ADAMTS19: variants seen among roughly 807,000 people sequenced by gnomAD.
ADAMTS19 encodes ADAM metallopeptidase with thrombospondin type 1 motif 19.
A neutral mutation model predicts 153.3 loss-of-function variants in ADAMTS19; 93 were observed. The ratio of observed to expected loss-of-function variants is 0.61; its 90% confidence interval spans 0.51 to 0.72. The LOEUF (loss-of-function observed/expected upper bound fraction) is 0.72, where lower values mean the gene tolerates loss of function less well. ADAMTS19 is among the 30% of genes least tolerant of loss of function. The pLI, the probability that ADAMTS19 is intolerant of heterozygous loss-of-function variation, is 0.00. For synonymous variants in ADAMTS19, 600 were observed against 556.6 expected, an observed-to-expected ratio of 1.08 and a Z score of -1.10; for missense variants, 1,482 against 1,552.1, an observed-to-expected ratio of 0.95 and a Z score of 0.76.
intron 6 of ADAMTS19, among the ~76,000 whole-genome samples, chr5:129,544,056 C>T (rs1752759434): frequency 6.6e-6 from 1 of 152,064 alleles, no homozygotes; most frequent in Non-Finnish European, 1.5e-5. Context: ...ATTTGTTTTG[C>T]ATAGTCATCT....
chr5:129,701,514 TG>T lies in ADAMTS19; in HGVS notation c.3084del (p.Lys1030SerfsTer14). ...TTAGAGCCCGAGAGAGGGACTGCATTGGGCCCAAGCCCGCCTCTGCCCAGCG... is the reference window on the plus strand; with the variant it reads ...TTAGAGCCCGAGAGAGGGACTGCATTGGCCCAAGCCCGCCTCTGCCCAGCG... ...LIRARERDCI[G>X]PKPASAQRCE... On this transcript the variant is annotated frameshift_variant, in exon 20 of 23. Coordinates refer to ENST00000274487, the MANE Select transcript of ADAMTS19 (RefSeq NM_133638.6). LOFTEE classifies it high-confidence loss of function. 6.2e-7 allele frequency: 1 copy of T among 1,614,150 alleles called. No homozygotes were observed. Among genetic ancestry groups the T allele is most frequent in the Non-Finnish European group, 8.5e-7 (1 of 1,180,018 alleles).
At chr5:129,712,156 C>A (rs1296573243) in intron 21 of ADAMTS19, among the ~76,000 whole-genome samples, 1 of 152,020 alleles carries the variant, frequency 6.6e-6, no homozygotes, top group East Asian at 1.9e-4. Flanking sequence ...AAGGTAATTG[C>A]TTACAATTTT....
chr5:129,495,665 AC>A (rs1411780538), intron 2 of ADAMTS19, among the ~76,000 whole-genome samples: 1 of 152,108 alleles, frequency 6.6e-6, no homozygotes, highest in Non-Finnish European at 1.5e-5. Flanking sequence ...TTTATCAGTA[AC>A]ATTGATGAAT....
chr5:129,559,628 G>A (rs1003860682), intron 7 of ADAMTS19, among the ~76,000 whole-genome samples: 4 of 152,090 alleles, frequency 2.6e-5, no homozygotes, highest in East Asian at 3.9e-4. Flanking sequence ...ACAACTTGAC[G>A]TCATTAATTA....
chr5:129,671,360 A>G (rs1020125499), intron 16 of ADAMTS19, among the ~76,000 whole-genome samples: 3 of 152,192 alleles, frequency 2.0e-5, no homozygotes, highest in Non-Finnish European at 4.4e-5. Flanking sequence ...CCAATGTAGG[A>G]CACATGGATG....
At chr5:129,675,598 GTTA>G (rs1754515956) in intron 16 of ADAMTS19, among the ~76,000 whole-genome samples, 2 of 151,968 alleles carry the variant, frequency 1.3e-5, no homozygotes, top group South Asian at 2.1e-4. Flanking sequence ...TATCATTACA[GTTA>G]TTATATATAT....
At chr5:129,638,136 A>G (rs1273248443) in intron 10 of ADAMTS19, among the ~76,000 whole-genome samples, 2 of 152,056 alleles carry the variant, frequency 1.3e-5, no homozygotes, top group Non-Finnish European at 2.9e-5. Context: ...AAAAAGAAGA[A>G]GTGATGCTCT....
intron 1 of ADAMTS19, 52 bp downstream of exon 1, chr5:129,460,534 C>T (rs755844046): frequency 6.2e-7 from 1 of 1,607,926 alleles, no homozygotes; most frequent in African/African-American, 1.3e-5. Flanking sequence ...CCAGCGGAGA[C>T]CGCGAACGTA....
At chr5:129,545,140 T>C (rs150507713) in intron 6 of ADAMTS19, among the ~76,000 whole-genome samples, 3 of 152,154 alleles carry the variant, frequency 2.0e-5, no homozygotes, top group African/African-American at 7.2e-5. Flanking sequence ...AAAACAAGCA[T>C]GTCCACCTAA....
chr5:129,636,593 C>T lies in ADAMTS19; in HGVS notation c.1771-5266C>T, dbSNP rs552201270. 3.9e-5 allele frequency among the ~76,000 whole-genome samples: 6 copies of T among 152,294 alleles called. No homozygotes were observed. The South Asian group carries it at 6.2e-4, about 16-fold the overall frequency. On this transcript the variant is annotated intron_variant, in intron 10 of 22. Transcript: ENST00000274487. The stretch of plus-strand genomic sequence containing the variant: ...CATTTCCCTTTCTATGCCTATCACT[C>T]AACTTCTGCCAGTAGCTATGTATGT...
At chr5:129,658,144 A>G (rs2127063996) in intron 14 of ADAMTS19, among the ~76,000 whole-genome samples, 1 of 151,888 alleles carries the variant, frequency 6.6e-6, no homozygotes, top group East Asian at 1.9e-4. Flanking sequence ...AAATTAACCC[A>G]GCATGGTGAC....
At chr5:129,602,435 C>G (rs1054140563) in intron 8 of ADAMTS19, among the ~76,000 whole-genome samples, 9 of 152,038 alleles carry the variant, frequency 5.9e-5, no homozygotes, top group African/African-American at 2.2e-4. Context: ...ATTGAGTTGC[C>G]AAAGGGTTTC....
chr5:129,585,216 G>A (rs572154302), intron 7 of ADAMTS19, among the ~76,000 whole-genome samples: 16 of 151,362 alleles, frequency 1.1e-4, no homozygotes, highest in African/African-American at 3.6e-4. Context: ...CTTGCCCTCC[G>A]TGGGCTGCAC....
chr5:129,684,817 C>T (rs926817167), intron 18 of ADAMTS19, among the ~76,000 whole-genome samples: 3 of 151,968 alleles, frequency 2.0e-5, no homozygotes, highest in African/African-American at 7.3e-5. Flanking sequence ...GAAACCCCGT[C>T]TCTACAAAAA....
intron 7 of ADAMTS19, among the ~76,000 whole-genome samples, chr5:129,554,228 A>G (rs181826756): frequency 1.3e-5 from 2 of 152,282 alleles, no homozygotes; most frequent in East Asian, 1.9e-4. Context: ...TATAAGATTT[A>G]TAAAGATATT....
chr5:129,484,643 A>G (rs966119671), intron 2 of ADAMTS19, among the ~76,000 whole-genome samples: 7 of 152,072 alleles, frequency 4.6e-5, no homozygotes, highest in African/African-American at 1.7e-4. Flanking sequence ...TTTATTCATT[A>G]CCTTATTGAT....
intron 8 of ADAMTS19, among the ~76,000 whole-genome samples, chr5:129,612,795 T>C (rs1329655955): frequency 6.6e-6 from 1 of 151,974 alleles, no homozygotes; most frequent in Non-Finnish European, 1.5e-5. Context: ...AGGAAACCCA[T>C]CTCATGTGCA....
chr5:129,684,007 A>AT, intron 17 of ADAMTS19, 113 bp from the exon 18 acceptor site: 1 of 1,195,140 alleles, frequency 8.4e-7, no homozygotes, highest in Non-Finnish European at 1.2e-6. Flanking sequence ...CAACAACAAC[A>AT]AAATGCACAC....
At chr5:129,626,103 G>A (rs1267882622) in intron 10 of ADAMTS19, among the ~76,000 whole-genome samples, 1 of 152,030 alleles carries the variant, frequency 6.6e-6, no homozygotes, top group Non-Finnish European at 1.5e-5. Context: ...AACAATTTGA[G>A]GTCTAGAGCA....
Sources: gnomAD v4.1 joint callset for allele counts (sites outside exome capture counted in the v4.1 genomes callset) on GRCh38, gnomAD v4.1.1 for gene constraint, MANE v1.5 for transcripts, NCBI Gene and HGNC (gene_info 2026-07-23, HGNC 2026-07-21) for gene names.